CTNNA2: variants seen among roughly 807,000 people sequenced by gnomAD.
The protein encoded by CTNNA2 is catenin alpha-2.
In CTNNA2, 42 loss-of-function variants were observed where a neutral mutation model predicts 101.0. That is an observed-to-expected ratio of 0.42 (90% CI 0.32 to 0.54). The LOEUF is 0.54. CTNNA2 is among the 20% of genes least tolerant of loss of function. The pLI is 0.14. For synonymous variants in CTNNA2, 450 were observed against 456.4 expected (o/e 0.99, Z 0.18); for missense variants, 871 against 1,223.1 (o/e 0.71, Z 4.29).
At chr2:80,226,436 C>T (rs188489119) in intron 7 of CTNNA2, among the ~76,000 whole-genome samples, 45 of 152,318 alleles carry the variant, frequency 3.0e-4, no homozygotes, top group Non-Finnish European at 5.9e-4. Context: ...TGTGTTTGTT[C>T]GTGGCAGGTG....
chr2:79,873,020 A>G (rs1394964610), intron 5 of CTNNA2, among the ~76,000 whole-genome samples: 1 of 152,218 alleles, frequency 6.6e-6, no homozygotes, highest in Non-Finnish European at 1.5e-5. Context: ...AGGAAAACAA[A>G]TCATCTTTGG....
At chr2:79,443,862 G>C (rs1012168408) in intron 4 of CTNNA2, among the ~76,000 whole-genome samples, 1 of 150,456 alleles carries the variant, frequency 6.6e-6, no homozygotes, top group African/African-American at 2.4e-5. Context: ...ATGATAATAA[G>C]ACTACAAAGG....
chr2:79,217,348 G>A (rs1674277409), intron 2 of CTNNA2, among the ~76,000 whole-genome samples: 1 of 152,232 alleles, frequency 6.6e-6, no homozygotes, highest in Non-Finnish European at 1.5e-5. Flanking sequence ...AACAGGCTTT[G>A]TGTGAGCAAT....
chr2:79,898,069 A>G (rs1481278531), intron 6 of CTNNA2, among the ~76,000 whole-genome samples: 2 of 152,150 alleles, frequency 1.3e-5, no homozygotes, highest in African/African-American at 4.8e-5. Context: ...CCATATCACC[A>G]TCCAACTCTT....
At chr2:79,631,433 C>T (rs747365554) in intron 1 of CTNNA2, among the ~76,000 whole-genome samples, 2 of 152,156 alleles carry the variant, frequency 1.3e-5, no homozygotes, top group Non-Finnish European at 2.9e-5. Flanking sequence ...AACCACTACG[C>T]GTCTCCCAGA....
At chr2:80,272,518 C>G (rs140701560) in intron 7 of CTNNA2, among the ~76,000 whole-genome samples, 4 of 152,296 alleles carry the variant, frequency 2.6e-5, no homozygotes, top group African/African-American at 9.6e-5. Context: ...AAAGAACCTT[C>G]AGATTAGCAG....
chr2:80,539,022 A>G (rs1183611940), intron 9 of CTNNA2, among the ~76,000 whole-genome samples: 1 of 151,966 alleles, frequency 6.6e-6, no homozygotes, highest in African/African-American at 2.4e-5. Context: ...TGAGGGATGC[A>G]TATGTTTGTT....
chr2:79,871,840 G>A (rs1384653454), intron 5 of CTNNA2, among the ~76,000 whole-genome samples: 1 of 152,150 alleles, frequency 6.6e-6, no homozygotes, highest in Admixed American at 6.5e-5. Context: ...GGAAACATGG[G>A]CCATCAGCAT....
chr2:80,174,818 C>T, intron 7 of CTNNA2, among the ~76,000 whole-genome samples: 1 of 152,196 alleles, frequency 6.6e-6, no homozygotes, highest in Admixed American at 6.5e-5. Context: ...TGATTTTGTT[C>T]ACATCTCTCT....
intron 4 of CTNNA2, among the ~76,000 whole-genome samples, chr2:79,489,838 C>T (rs1006418746): frequency 6.6e-6 from 1 of 152,146 alleles, no homozygotes; most frequent in African/African-American, 2.4e-5. Flanking sequence ...TAGTATTCCC[C>T]TTACCCAGAG....
chr2:79,365,550 C>A (rs187512770), intron 3 of CTNNA2, among the ~76,000 whole-genome samples: 7 of 149,650 alleles, frequency 4.7e-5, no homozygotes, highest in Non-Finnish European at 1.0e-4. Flanking sequence ...GGCCCAAGCC[C>A]AGGAGTTTCA....
intron 14 of CTNNA2, among the ~76,000 whole-genome samples, chr2:80,588,813 C>A (rs1696190925): frequency 6.6e-6 from 1 of 152,140 alleles, no homozygotes. Flanking sequence ...CCTTCACTTA[C>A]ACTCATAGAA....
Position 80,395,080 on chromosome 2 carries a change from T to C in CTNNA2, c.1137+1789T>C, listed in dbSNP as rs1288709515. ...TAGAAATGAATGAAAAAGTAATTTT[T>C]ACTCTTATGTTACAATTCCTGGAAA... is the stretch of plus-strand genomic sequence containing the variant. On this transcript the variant is annotated intron_variant, in intron 8 of 18. Coordinates refer to ENST00000402739, the MANE Select transcript of CTNNA2 (RefSeq NM_001282597.3). Among the ~76,000 whole-genome samples, 3 of 152,314 alleles carry C rather than the reference T, an allele frequency of 2.0e-5. No homozygotes were observed. In the South Asian group the frequency reaches 6.2e-4, roughly 32 times the overall value.
chr2:80,554,028 A>G (rs1371955230), intron 11 of CTNNA2, among the ~76,000 whole-genome samples: 1 of 152,188 alleles, frequency 6.6e-6, no homozygotes, highest in African/African-American at 2.4e-5. Context: ...AAATTAAAGA[A>G]ATGGAGAATG....
intron 1 of CTNNA2, among the ~76,000 whole-genome samples, chr2:79,585,220 ATTAC>A (rs147054509): frequency 0.03 from 4,609 of 151,968 alleles, 205 homozygotes; most frequent in African/African-American, 0.1. Flanking sequence ...CATTTTCTAT[ATTAC>A]TTTTATCTCT....
chr2:79,541,326 C>G (rs1303471062), intron 1 of CTNNA2, among the ~76,000 whole-genome samples: 2 of 82,316 alleles, frequency 2.4e-5, no homozygotes, highest in African/African-American at 7.6e-5. Flanking sequence ...ACACAGATAT[C>G]CTATATATAT....
At chr2:80,572,428 T>C (rs991371124) in intron 12 of CTNNA2, among the ~76,000 whole-genome samples, 2 of 152,182 alleles carry the variant, frequency 1.3e-5, no homozygotes, top group Admixed American at 1.3e-4. Flanking sequence ...ATAAACAGTT[T>C]TATGCCTCTG....
intron 7 of CTNNA2, among the ~76,000 whole-genome samples, chr2:80,359,152 T>A (rs146346742): frequency 6.6e-6 from 1 of 151,722 alleles, no homozygotes; most frequent in African/African-American, 2.4e-5. Flanking sequence ...GAGGCAGGAG[T>A]ATTACTTGAG....
intron 9 of CTNNA2, among the ~76,000 whole-genome samples, chr2:80,541,022 C>A (rs1313357906): frequency 6.6e-6 from 1 of 152,138 alleles, no homozygotes; most frequent in Non-Finnish European, 1.5e-5. Flanking sequence ...CTGCCTCAAG[C>A]TATGAAGCTA....
Sources: allele counts gnomAD v4.1 joint callset (sites outside exome capture counted in the v4.1 genomes callset), GRCh38; gene constraint gnomAD v4.1.1; transcripts MANE v1.5; gene names NCBI Gene and HGNC (gene_info 2026-07-23, HGNC 2026-07-21).